The following TRPC5 variants were observed in gnomAD, a reference collection of about 807,000 sequenced individuals.
TRPC5 encodes transient receptor potential cation channel subfamily C member 5, also known as short transient receptor potential channel 5.
A neutral mutation model predicts 56.5 loss-of-function variants in TRPC5; 9 were observed. The ratio of observed to expected loss-of-function variants is 0.16; its 90% CI spans 0.10 to 0.28. The LOEUF (loss-of-function observed/expected upper bound fraction) is 0.28, where lower values mean the gene tolerates loss of function less well. TRPC5 is among the 10% of genes least tolerant of loss of function. The pLI is 1.00. For missense variants in TRPC5, 469 were observed against 748.9 expected, an observed-to-expected ratio of 0.63 and a Z score of 4.36; for synonymous variants, 282 against 278.5, an observed-to-expected ratio of 1.01 and a Z score of -0.13.
chrX:111,863,986 C>A (rs762075578), intron 3 of TRPC5, among the ~76,000 whole-genome samples: 75 of 111,032 alleles, frequency 6.8e-4, no homozygotes, highest in African/African-American at 2.2e-3. Flanking sequence ...GTGTTTAATT[C>A]TTTTTTATTA....
chrX:111,958,990 G>A (rs1927306148), intron 1 of TRPC5, among the ~76,000 whole-genome samples: 1 of 112,361 alleles, frequency 8.9e-6, no homozygotes, highest in Non-Finnish European at 1.9e-5. Context: ...GCAAAAGTAA[G>A]ACATTCTTAG....
At chrX:111,879,006 C>T (rs890809343) in intron 3 of TRPC5, among the ~76,000 whole-genome samples, 18 of 111,923 alleles carry the variant, frequency 1.6e-4, no homozygotes, top group African/African-American at 5.9e-4. Flanking sequence ...CCTTATGATC[C>T]GGAATATCAA....
intron 7 of TRPC5, among the ~76,000 whole-genome samples, chrX:111,804,624 G>T (rs1327953679): frequency 9.0e-6 from 1 of 111,318 alleles, no homozygotes; most frequent in Non-Finnish European, 1.9e-5. Flanking sequence ...ATTGTGAATG[G>T]GAGTTCACTC....
chrX:111,776,248 C>T lies in TRPC5; in HGVS notation c.*65G>A, dbSNP rs1272699922. ...GCAGTGAGGGAATCATATTCTGTGT[C>T]ACCTCTGAGAGCAAGGAAATTACAG... On this transcript the variant is annotated 3_prime_UTR_variant, in exon 11 of 11. Transcript: ENST00000262839. 9.6e-7 allele frequency: 1 copy of T among 1,044,989 alleles called. No individual in the cohort carries two copies. The highest frequency in any genetic ancestry group is 1.3e-6 in the Non-Finnish European group (1 of 791,866). The allele number at this position is 1,044,989 out of a possible 1,213,427, so 86.1% of individuals were successfully genotyped here. A position where few individuals can be genotyped will look rare whatever the true frequency, so the allele number is the denominator to read the frequency against.
chrX:112,020,479 A>G (rs188708079), intron 1 of TRPC5, among the ~76,000 whole-genome samples: 105 of 112,018 alleles, frequency 9.4e-4, no homozygotes, highest in Non-Finnish European at 5.3e-4. Context: ...TGAGGAACAC[A>G]GAAGGAAATG....
intron 7 of TRPC5, among the ~76,000 whole-genome samples, chrX:111,787,022 C>A (rs1945972204): frequency 9.2e-6 from 1 of 109,028 alleles, no homozygotes; most frequent in Admixed American, 9.8e-5. Context: ...AGTTCCAGGT[C>A]CGGGACCTGA....
intron 7 of TRPC5, among the ~76,000 whole-genome samples, chrX:111,804,185 G>C (rs184095162): frequency 2.8e-3 from 317 of 111,449 alleles, no homozygotes; most frequent in Middle Eastern, 0.014. Flanking sequence ...ATTTCTGAGG[G>C]CTCTGTTCTG....
At chrX:112,001,589 G>A (rs139442674) in intron 1 of TRPC5, among the ~76,000 whole-genome samples, 4,451 of 111,157 alleles carry the variant, frequency 0.04, 92 homozygotes, top group African/African-American at 0.071. Flanking sequence ...GCAAAACCTC[G>A]TCTCTACTAA....
At chrX:111,777,124 A>C in intron 10 of TRPC5, 122 bp from the exon 11 acceptor site, 1 of 520,693 alleles carries the variant, frequency 1.9e-6, no homozygotes, top group Non-Finnish European at 2.9e-6. Context: ...AACACCAGAA[A>C]AATCTGCCAT....
rs773231215 is a variant in TRPC5 at position 111,835,681 on chromosome X, G to A, written c.1701-565C>T. Among the ~76,000 whole-genome samples the A allele has an allele frequency of 3.1e-4, 35 of 111,612 alleles. 1 individual carries two copies. The East Asian group carries it at 4.8e-3, about 15-fold the overall frequency. On this transcript the variant is annotated intron_variant, in intron 6 of 10. Coordinates refer to ENST00000262839, the MANE Select transcript of TRPC5 (RefSeq NM_012471.3). ...CGGGCGCCTGTAGTCCCAGCTACTCGGGAGGCTGAGGCAGGAGAATGGTGC... is the reference window on the plus strand; with the variant it reads ...CGGGCGCCTGTAGTCCCAGCTACTCAGGAGGCTGAGGCAGGAGAATGGTGC...
At chrX:111,966,045 T>G (rs963484714) in intron 1 of TRPC5, among the ~76,000 whole-genome samples, 7 of 111,328 alleles carry the variant, frequency 6.3e-5, no homozygotes, top group Non-Finnish European at 3.8e-5. Context: ...CAGGAGCTGG[T>G]GTTTTGAAAA....
intron 1 of TRPC5, among the ~76,000 whole-genome samples, chrX:112,081,636 G>A (rs1930968471): frequency 9.0e-6 from 1 of 111,504 alleles, no homozygotes; most frequent in Non-Finnish European, 1.9e-5. Context: ...GATGTTTTTG[G>A]TCATCGCAGG....
chrX:112,066,486 T>C (rs1410195726), intron 1 of TRPC5, among the ~76,000 whole-genome samples: 1 of 111,595 alleles, frequency 9.0e-6, no homozygotes, highest in Non-Finnish European at 1.9e-5. Flanking sequence ...CAACAGAACA[T>C]GGTAGGTGTA....
At chrX:111,826,378 A>G (rs1192090481) in intron 7 of TRPC5, among the ~76,000 whole-genome samples, 2 of 112,297 alleles carry the variant, frequency 1.8e-5, no homozygotes, top group Non-Finnish European at 3.8e-5. Context: ...AGGTGTTCAT[A>G]GATTCCACAT....
At chrX:111,883,529 C>T (rs868353759) in intron 3 of TRPC5, among the ~76,000 whole-genome samples, 1 of 112,827 alleles carries the variant, frequency 8.9e-6, no homozygotes, top group Admixed American at 9.4e-5. Context: ...AGAGCCTAAG[C>T]CTAATTCAGG....
chrX:111,913,851 G>A (rs762557247), intron 2 of TRPC5, among the ~76,000 whole-genome samples: 1 of 109,036 alleles, frequency 9.2e-6, no homozygotes, highest in Non-Finnish European at 1.9e-5. Context: ...TCCCAGCTAC[G>A]TGGGAGCCTG....
chrX:112,070,760 A>C (rs888711106), intron 1 of TRPC5, among the ~76,000 whole-genome samples: 7 of 105,471 alleles, frequency 6.6e-5, no homozygotes, highest in African/African-American at 2.1e-4. Flanking sequence ...CCCCCCCCCA[A>C]AGTTACTTCC....
At chrX:112,024,386 G>C (rs1483263040) in intron 1 of TRPC5, among the ~76,000 whole-genome samples, 1 of 111,754 alleles carries the variant, frequency 8.9e-6, no homozygotes, top group African/African-American at 3.3e-5. Flanking sequence ...GAGAGTAAGA[G>C]GGGACCCTTC....
chrX:111,979,228 G>T (rs2148651719), intron 1 of TRPC5, among the ~76,000 whole-genome samples: 1 of 111,099 alleles, frequency 9.0e-6, no homozygotes, highest in Non-Finnish European at 1.9e-5. Context: ...GATAAAGAAG[G>T]GTCTTTTTCA....
Sources: allele counts gnomAD v4.1 joint callset (sites outside exome capture counted in the v4.1 genomes callset), GRCh38; gene constraint gnomAD v4.1.1; transcripts MANE v1.5; gene names NCBI Gene and HGNC (gene_info 2026-07-23, HGNC 2026-07-21).